Variants in TMEM51 observed in about 807,000 individuals in gnomAD.
TMEM51 encodes transmembrane protein 51, also known as chromosome 1 open reading frame 72.
A neutral mutation model predicts 13.6 loss-of-function variants in TMEM51; 8 were observed. The ratio of observed to expected loss-of-function variants is 0.59; its 90% CI spans 0.35 to 1.07. The LOEUF (loss-of-function observed/expected upper bound fraction) is 1.07. Ranked by LOEUF, TMEM51 falls within the 50% of genes least tolerant of loss-of-function variation. The probability of loss-of-function intolerance (pLI) is 0.02; values close to 1 mark genes in which losing one functional copy is unlikely to be tolerated. For missense variants in TMEM51, 279 were observed against 330.7 expected, an observed-to-expected ratio of 0.84 and a Z score of 1.21; for synonymous variants, 147 against 144.4, an observed-to-expected ratio of 1.02 and a Z score of -0.13.
At chr1:15,189,102 G>A (rs11588775) in intron 1 of TMEM51, among the ~76,000 whole-genome samples, 56,637 of 151,714 alleles carry the variant, frequency 0.37, 11,213 homozygotes, top group East Asian at 0.61. Flanking sequence ...ATACAGTGGT[G>A]TGGTCTAGGC....
intron 1 of TMEM51, chr1:15,192,461 C>CTT (rs1553201486): frequency 2.8e-5 from 1 of 35,140 alleles, no homozygotes; most frequent in Non-Finnish European, 4.4e-5. Context: ...TTTTCTTTTC[C>CTT]TTTTTTTTTA....
At chr1:15,205,426 T>A (rs935476581) in intron 1 of TMEM51, among the ~76,000 whole-genome samples, 4 of 152,204 alleles carry the variant, frequency 2.6e-5, no homozygotes, top group Admixed American at 6.5e-5. Flanking sequence ...TGGAATATCC[T>A]GATCTCTTAC....
At chr1:15,202,499 G>A (rs1473368828) in intron 1 of TMEM51, among the ~76,000 whole-genome samples, 2 of 152,154 alleles carry the variant, frequency 1.3e-5, no homozygotes, top group Non-Finnish European at 2.9e-5. Context: ...TGTGGGCAGG[G>A]CTGGTTCCTC....
At chr1:15,200,620 C>T (rs1234934461) in intron 1 of TMEM51, among the ~76,000 whole-genome samples, 1 of 152,020 alleles carries the variant, frequency 6.6e-6, no homozygotes. Flanking sequence ...TTTCAGGCAC[C>T]CTGACTGTGG....
At chr1:15,196,997 G>C (rs1241748284) in intron 1 of TMEM51, among the ~76,000 whole-genome samples, 1 of 152,192 alleles carries the variant, frequency 6.6e-6, no homozygotes, top group South Asian at 2.1e-4. Context: ...GCGGGATCCA[G>C]GTTTGCAAAC....
At chr1:15,168,895 G>A (rs1179016571) in intron 1 of TMEM51, 26 of 1,135,260 alleles carry the variant, frequency 2.3e-5, no homozygotes, top group Non-Finnish European at 2.8e-5. Context: ...ATCTGGAGTT[G>A]GAGTGGGGAG....
At chr1:15,152,843 G>A (rs1265536647), upstream of TMEM51, 1 of 152,216 alleles carries the variant, frequency 6.6e-6, no homozygotes, top group Admixed American at 6.5e-5. Context: ...ACTCCGTGGC[G>A]GCTCCGGGCC....
At chr1:15,214,045 G>A (rs1488647621) in intron 2 of TMEM51, among the ~76,000 whole-genome samples, 1 of 150,382 alleles carries the variant, frequency 6.6e-6, no homozygotes, top group Non-Finnish European at 1.5e-5. Flanking sequence ...TAGAGACGGG[G>A]TTTTACCATG....
chr1:15,172,229 C>A (rs72640793), intron 1 of TMEM51, among the ~76,000 whole-genome samples: 19,343 of 151,566 alleles, frequency 0.13, 1,603 homozygotes, highest in South Asian at 0.18. Context: ...AGAAAAAATA[C>A]CAAAATTAGT....
intron 1 of TMEM51, among the ~76,000 whole-genome samples, chr1:15,193,575 C>CTTTCTTTCTTTTTTTTTT (rs1249772503): frequency 1.6e-4 from 18 of 114,660 alleles, no homozygotes; most frequent in African/African-American, 5.3e-4. Context: ...TTCTTTCTTT[C>CTTTCTTTCTTTTTTTTTT]TTTTTTTTTT....
intron 1 of TMEM51, among the ~76,000 whole-genome samples, chr1:15,200,890 A>G (rs963360077): frequency 6.6e-6 from 1 of 152,142 alleles, no homozygotes; most frequent in Non-Finnish European, 1.5e-5. Flanking sequence ...AGAGACTGAA[A>G]CTGACCTAGG....
At chr1:15,158,941 G>A (rs561112105) in intron 1 of TMEM51, among the ~76,000 whole-genome samples, 15 of 152,300 alleles carry the variant, frequency 9.8e-5, no homozygotes, top group Non-Finnish European at 1.5e-4. Flanking sequence ...AAAACTTTCA[G>A]TTATCTGTTT....
At chr1:15,204,295 T>G (rs549367752) in intron 1 of TMEM51, among the ~76,000 whole-genome samples, 1 of 152,362 alleles carries the variant, frequency 6.6e-6, no homozygotes, top group African/African-American at 2.4e-5. Context: ...GGCTCACGCC[T>G]GTAATCCCAG....
rs72874053 is a variant in TMEM51 at position 15,215,455 on chromosome 1, C to A, written c.344+24C>A. 1.9e-3 allele frequency: 2,903 copies of A among 1,561,646 alleles called. 42 individuals are homozygous for A. In the African/African-American group the frequency reaches 0.033, roughly 18 times the overall value. ...AGGTGAGGCCTGACTGTCCCCTTCC[C>A]TCCCCGGATCGGGGATGGGCACGCA... On this transcript the variant is annotated intron_variant, in intron 3 of 3. Transcript: ENST00000376008.
chr1:15,153,733 A>G (rs1342953629), upstream of TMEM51: 3 of 151,434 alleles, frequency 2.0e-5, no homozygotes, highest in South Asian at 6.3e-4. Flanking sequence ...TCCCTCCCGC[A>G]CGCCGGCGCT....
At chr1:15,172,529 AAG>A (rs1643319542) in intron 1 of TMEM51, among the ~76,000 whole-genome samples, 1 of 152,064 alleles carries the variant, frequency 6.6e-6, no homozygotes, top group African/African-American at 2.4e-5. Flanking sequence ...GAAAAAGGAA[AAG>A]AGAAAGTAAG....
At chr1:15,174,316 C>T (rs2100210234) in intron 1 of TMEM51, among the ~76,000 whole-genome samples, 1 of 152,284 alleles carries the variant, frequency 6.6e-6, no homozygotes, top group Non-Finnish European at 1.5e-5. Flanking sequence ...GATCGTGGCT[C>T]ACTACAGCCT....
At chr1:15,167,322 A>G (rs1326845509) in intron 1 of TMEM51, among the ~76,000 whole-genome samples, 2 of 90,418 alleles carry the variant, frequency 2.2e-5, no homozygotes, top group Admixed American at 1.7e-4. Context: ...GCGAGACTCC[A>G]TCTCAAAAAA....
At chr1:15,212,527 A>G (rs1016220662) in intron 2 of TMEM51, among the ~76,000 whole-genome samples, 2 of 152,180 alleles carry the variant, frequency 1.3e-5, no homozygotes, top group Non-Finnish European at 2.9e-5. Context: ...GCATGTGCTC[A>G]GAACGTGGTA....
Sources: allele counts gnomAD v4.1 joint callset (sites outside exome capture counted in the v4.1 genomes callset), GRCh38; gene constraint gnomAD v4.1.1; transcripts MANE v1.5; gene names NCBI Gene and HGNC (gene_info 2026-07-23, HGNC 2026-07-21).